TP63: variants seen among roughly 807,000 people sequenced by gnomAD.
The protein encoded by TP63 is tumor protein 63.
Under a neutral mutation model 82.8 loss-of-function variants are expected in TP63, and 17 were observed. That is an observed-to-expected ratio of 0.21 (90% CI 0.14 to 0.31). The LOEUF is 0.31. TP63 is among the 10% of genes least tolerant of loss of function. The pLI is 1.00. For synonymous variants in TP63, 330 were observed against 321.7 expected, an observed-to-expected ratio of 1.03 and a Z score of -0.28; for missense variants, 648 against 895.3, an observed-to-expected ratio of 0.72 and a Z score of 3.52.
intron 3 of TP63, 118 bp downstream of exon 3, chr3:189,738,892 G>T: frequency 7.0e-7 from 1 of 1,438,550 alleles, no homozygotes; most frequent in Non-Finnish European, 9.5e-7. Context: ...AGGCCTTTGG[G>T]AAGAGAGTCT....
intron 4 of TP63, among the ~76,000 whole-genome samples, chr3:189,826,214 A>G (rs1239555672): frequency 2.6e-5 from 4 of 152,238 alleles, no homozygotes; most frequent in African/African-American, 9.6e-5. Flanking sequence ...TGACTAAGGC[A>G]AGGACAAATG....
intron 1 of TP63, among the ~76,000 whole-genome samples, chr3:189,727,864 G>T (rs1719880855): frequency 6.6e-6 from 1 of 152,170 alleles, no homozygotes; most frequent in Non-Finnish European, 1.5e-5. Context: ...ATGTTACTGT[G>T]TTTGCATGCT....
At chr3:189,672,159 T>C (rs922587534) in intron 1 of TP63, among the ~76,000 whole-genome samples, 6 of 152,074 alleles carry the variant, frequency 3.9e-5, no homozygotes, top group Admixed American at 1.3e-4. Flanking sequence ...CTGTATCCCA[T>C]AAATATGTAC....
chr3:189,747,336 T>C (rs1188887292), intron 3 of TP63, among the ~76,000 whole-genome samples: 1 of 152,054 alleles, frequency 6.6e-6, no homozygotes, highest in Non-Finnish European at 1.5e-5. Context: ...TAAGGATAGA[T>C]CATATATTAG....
chr3:189,705,975 T>G (rs1718166956), intron 1 of TP63, among the ~76,000 whole-genome samples: 1 of 152,166 alleles, frequency 6.6e-6, no homozygotes, highest in African/African-American at 2.4e-5. Context: ...ATTTACAAAT[T>G]AAGGAAAAAT....
At chr3:189,778,815 TAGAG>T (rs1177115456) in intron 3 of TP63, among the ~76,000 whole-genome samples, 1 of 152,168 alleles carries the variant, frequency 6.6e-6, no homozygotes, top group Non-Finnish European at 1.5e-5. Flanking sequence ...CCTTACCCCA[TAGAG>T]AAACTATCAC....
chr3:189,694,121 C>A (rs973787961), intron 1 of TP63, among the ~76,000 whole-genome samples: 1 of 152,136 alleles, frequency 6.6e-6, no homozygotes, highest in African/African-American at 2.4e-5. Context: ...CTAAGATCAA[C>A]CCAATAGTAT....
chr3:189,877,395 A>G (rs886253966), intron 10 of TP63, among the ~76,000 whole-genome samples: 15 of 152,194 alleles, frequency 9.9e-5, no homozygotes, highest in African/African-American at 3.1e-4. Context: ...TCTGTACTTC[A>G]GATCAGTACT....
At chr3:189,650,464 A>C (rs1446044381) in intron 1 of TP63, among the ~76,000 whole-genome samples, 2 of 146,368 alleles carry the variant, frequency 1.4e-5, no homozygotes, top group Non-Finnish European at 3.0e-5. Context: ...CCAGGTGGAG[A>C]AGATTGAATC....
chr3:189,670,417 CA>C (rs1228043313), intron 1 of TP63, among the ~76,000 whole-genome samples: 1 of 151,988 alleles, frequency 6.6e-6, no homozygotes, highest in Non-Finnish European at 1.5e-5. Flanking sequence ...TAAAATCTCT[CA>C]ATGTATTTCA....
rs182187299 is a variant in TP63 at position 189,864,986 on chromosome 3, G to A, written c.766+568G>A. ...GGCACCACTGCACTCCAGTCTGGGC[G>A]ACAGAGCGAGACTCCATCTCAAAAA... On this transcript the variant is annotated intron_variant, in intron 5 of 13. Coordinates refer to ENST00000264731, the MANE Select transcript of TP63 (RefSeq NM_003722.5). Among the ~76,000 whole-genome samples, 1,304 of 151,748 alleles carry A rather than the reference G, an allele frequency of 8.6e-3. 25 individuals carry two copies. Among genetic ancestry groups the A allele is most frequent in the African/African-American group, 0.03 (1,242 of 41,224 alleles).
intron 10 of TP63, among the ~76,000 whole-genome samples, chr3:189,884,301 G>A (rs191728873): frequency 2.0e-3 from 302 of 152,342 alleles, no homozygotes; most frequent in Non-Finnish European, 3.0e-3. Flanking sequence ...ATTCAGAAGT[G>A]CTTGGTAGTA....
chr3:189,609,486 T>C, the TP63 span, among the ~76,000 whole-genome samples: 1 of 152,094 alleles, frequency 6.6e-6, no homozygotes, highest in Non-Finnish European at 1.5e-5. Flanking sequence ...TATTATTTCA[T>C]AAGCCCAGTA....
intron 3 of TP63, among the ~76,000 whole-genome samples, chr3:189,765,005 A>G (rs1722833253): frequency 6.6e-6 from 1 of 152,196 alleles, no homozygotes; most frequent in Admixed American, 6.6e-5. Context: ...GGGGTATCAG[A>G]TGATTTTTCT....
chr3:189,617,855 A>T, the TP63 span, among the ~76,000 whole-genome samples: 1 of 152,194 alleles, frequency 6.6e-6, no homozygotes, highest in African/African-American at 2.4e-5. Flanking sequence ...AAAAGTGACA[A>T]CTAAGTGGGT....
At chr3:189,660,527 A>G (rs534223794) in intron 1 of TP63, among the ~76,000 whole-genome samples, 10 of 152,032 alleles carry the variant, frequency 6.6e-5, no homozygotes, top group African/African-American at 2.2e-4. Flanking sequence ...TTTGCTTAGG[A>G]TTGCTTTGAA....
intron 4 of TP63, among the ~76,000 whole-genome samples, chr3:189,815,897 CAT>C (rs1728133933): frequency 6.6e-6 from 1 of 152,146 alleles, no homozygotes; most frequent in Non-Finnish European, 1.5e-5. Flanking sequence ...ATTATCAGAA[CAT>C]ATTTTTCTCA....
chr3:189,862,609 G>T (rs1267429194), intron 4 of TP63, among the ~76,000 whole-genome samples: 1 of 152,094 alleles, frequency 6.6e-6, no homozygotes, highest in Non-Finnish European at 1.5e-5. Context: ...GTCATCTTAC[G>T]AAATTCATGG....
At chr3:189,729,511 T>C (rs909435337) in intron 1 of TP63, among the ~76,000 whole-genome samples, 1 of 152,198 alleles carries the variant, frequency 6.6e-6, no homozygotes, top group Non-Finnish European at 1.5e-5. Flanking sequence ...TAGAGTTTTT[T>C]AAGAATATTG....
Sources: gnomAD v4.1 joint callset for allele counts (sites outside exome capture counted in the v4.1 genomes callset) on GRCh38, gnomAD v4.1.1 for gene constraint, MANE v1.5 for transcripts, NCBI Gene and HGNC (gene_info 2026-07-23, HGNC 2026-07-21) for gene names.